The following LIMCH1 variants were observed in gnomAD, a reference collection of about 807,000 sequenced individuals.
LIMCH1 encodes the protein LIM and calponin homology domains 1, also known as LIM and calponin homology domains-containing protein 1.
A neutral mutation model predicts 176.5 loss-of-function variants in LIMCH1; 113 were observed. The observed-to-expected ratio is 0.64, with a 90% CI of 0.55 to 0.75. LIMCH1 has a LOEUF of 0.75. LIMCH1 is among the 30% of genes least tolerant of loss of function. LIMCH1 has a pLI of 0.00. For missense variants in LIMCH1, 1,674 were observed against 1,814.9 expected, an observed-to-expected ratio of 0.92 and a Z score of 1.41; for synonymous variants, 619 against 645.9, an observed-to-expected ratio of 0.96 and a Z score of 0.63.
chr4:41,691,887 T>C lies in LIMCH1; in HGVS notation c.4276-395T>C, dbSNP rs150724236. 1.8e-3 allele frequency among the ~76,000 whole-genome samples: 270 copies of C among 152,316 alleles called. 1 individual carries two copies. Among genetic ancestry groups the C allele is most frequent in the African/African-American group, 6.1e-3 (254 of 41,580 alleles). Reference sequence around the variant, plus strand: ...TGGACACATTTCAATTGATAACTCATTGGCCATGTGTTTATTTAAAGCCAC... The same window carrying C: ...TGGACACATTTCAATTGATAACTCACTGGCCATGTGTTTATTTAAAGCCAC... On this transcript the variant is annotated intron_variant, in intron 30 of 31. Transcript: ENST00000503057.
At chr4:41,533,240 A>ATT (rs2077515579), upstream of LIMCH1, among the ~76,000 whole-genome samples, 1 of 152,216 alleles carries the variant, frequency 6.6e-6, no homozygotes, top group Non-Finnish European at 1.5e-5. Context: ...CTAATCTCTG[A>ATT]AGTGATGTTT....
chr4:41,381,194 T>A (rs1206379930), intron 1 of LIMCH1, among the ~76,000 whole-genome samples: 4 of 152,194 alleles, frequency 2.6e-5, no homozygotes, highest in Non-Finnish European at 4.4e-5. Flanking sequence ...AGTGAGTGAT[T>A]CTCAGTCCCA....
rs58614605 is a variant in LIMCH1 at position 41,454,450 on chromosome 4, G to GGAGAGA, written c.97-40068_97-40063dup. 3.1e-3 allele frequency among the ~76,000 whole-genome samples: 455 copies of GGAGAGA among 148,422 alleles called. 3 individuals carry two copies. Among genetic ancestry groups the GGAGAGA allele is most frequent in the African/African-American group, 0.011 (427 of 40,504 alleles). ...TTTTCAAATGGGTGGATGATGAGGG[G>GGAGAGA]GAGAGAGAGAGAGAGAGAGAGAGGG... On this transcript the variant is annotated intron_variant, in intron 1 of 26. Transcript: ENST00000313860.
chr4:41,434,927 CT>C (rs1322386454), intron 1 of LIMCH1, among the ~76,000 whole-genome samples: 1 of 152,228 alleles, frequency 6.6e-6, no homozygotes, highest in Admixed American at 6.5e-5. Flanking sequence ...ATTTGCCAGA[CT>C]TTTCTACAGT....
intron 2 of LIMCH1, among the ~76,000 whole-genome samples, chr4:41,494,971 CA>C (rs553946481): frequency 7.9e-4 from 120 of 152,242 alleles, no homozygotes; most frequent in African/African-American, 2.9e-3. Context: ...CAGCTTGTGC[CA>C]AAATAAAACA....
intron 1 of LIMCH1, among the ~76,000 whole-genome samples, chr4:41,402,200 T>C (rs1324073042): frequency 1.3e-5 from 2 of 152,108 alleles, no homozygotes; most frequent in Non-Finnish European, 2.9e-5. Flanking sequence ...AGAAGACATT[T>C]ATGCAGCCAA....
intron 1 of LIMCH1, among the ~76,000 whole-genome samples, chr4:41,564,308 G>T (rs2082433577): frequency 6.6e-6 from 1 of 152,172 alleles, no homozygotes; most frequent in African/African-American, 2.4e-5. Context: ...TCTGGCGGCA[G>T]AAGAGAATTC....
At chr4:41,644,369 C>T in intron 14 of LIMCH1, 131 bp from the exon 15 acceptor site, 1 of 1,212,738 alleles carries the variant, frequency 8.2e-7, no homozygotes, top group South Asian at 1.8e-5. Context: ...CAGTCACGCG[C>T]TGTGCGCAGC....
At chr4:41,642,333 G>C (rs1257107536) in intron 14 of LIMCH1, among the ~76,000 whole-genome samples, 1 of 151,672 alleles carries the variant, frequency 6.6e-6, no homozygotes, top group Non-Finnish European at 1.5e-5. Context: ...TTTAAACTGT[G>C]AGAGGAAGAA....
chr4:41,479,141 A>G (rs747920886), intron 1 of LIMCH1, among the ~76,000 whole-genome samples: 5 of 152,086 alleles, frequency 3.3e-5, no homozygotes, highest in Non-Finnish European at 5.9e-5. Context: ...CCACTCTACT[A>G]TTTTTTCGGT....
At chr4:41,452,261 T>A (rs971119817) in intron 1 of LIMCH1, among the ~76,000 whole-genome samples, 6 of 152,236 alleles carry the variant, frequency 3.9e-5, no homozygotes, top group Non-Finnish European at 8.8e-5. Context: ...TGTTTTTAAC[T>A]GTTTCCAGCC....
At position 41,619,288 on chromosome 4, in the gene LIMCH1, A is replaced by G; in HGVS notation, c.306A>G (p.Lys102=). 6.2e-7 allele frequency: 1 copy of G among 1,614,216 alleles called. No homozygotes were observed. The highest frequency in any genetic ancestry group is 8.5e-7 in the Non-Finnish European group (1 of 1,180,028). ...GGCGGACTTCCCATGGTGAGCCGAA[A>G]TCAGCAGTGCCTTTTAACCAGTACC... is the stretch of plus-strand genomic sequence containing the variant. The part of the protein sequence containing the change: ...SARRTSHGEP[K]SAVPFNQYLP... The change falls in exon 6 of 32, where the codon AAA becomes AAG. Residue 102 remains lysine, a synonymous_variant. Transcript: ENST00000503057.
At chr4:41,459,307 C>A (rs2065011226) in intron 1 of LIMCH1, among the ~76,000 whole-genome samples, 1 of 151,826 alleles carries the variant, frequency 6.6e-6, no homozygotes, top group South Asian at 2.1e-4. Context: ...CTGTCCCTTC[C>A]TTCCTTCTTT....
In LIMCH1 at chr4:41,699,179, T is replaced by G. The variant is rs1275914791; in HGVS notation, c.*1994T>G. 6.6e-6 allele frequency: 1 copy of G among 152,158 alleles called. No homozygotes were observed. The highest frequency in any genetic ancestry group is 1.5e-5 in the Non-Finnish European group (1 of 68,030). 9.4% of individuals were successfully genotyped at this position (152,158 alleles called of 1,614,324 possible). The stretch of plus-strand genomic sequence containing the variant: ...TACAATATGGTCATTCATAACCGAT[T>G]TTTATAGAATACTTTTTACATGTGC... On this transcript the variant is annotated 3_prime_UTR_variant, in exon 32 of 32. Coordinates refer to ENST00000503057, the MANE Select transcript of LIMCH1 (RefSeq NM_001330672.2).
chr4:41,634,888 C>T (rs115178828), intron 13 of LIMCH1, among the ~76,000 whole-genome samples: 1,940 of 152,288 alleles, frequency 0.013, 42 homozygotes, highest in African/African-American at 0.044. Context: ...TGAAGTGGGT[C>T]CTCCACAGTT....
intron 2 of LIMCH1, among the ~76,000 whole-genome samples, chr4:41,512,128 A>G (rs561698331): frequency 2.6e-5 from 4 of 152,352 alleles, no homozygotes; most frequent in Admixed American, 1.3e-4. Flanking sequence ...AGCTACAAAA[A>G]TGACTAGTAA....
At chr4:41,374,392 A>G (rs775906356) in intron 1 of LIMCH1, among the ~76,000 whole-genome samples, 1 of 152,116 alleles carries the variant, frequency 6.6e-6, no homozygotes, top group African/African-American at 2.4e-5. Context: ...CCACATTCTA[A>G]TGCATGGGGA....
rs566966513 is a variant in LIMCH1 at position 41,620,820 on chromosome 4, G to A, written c.725+130G>A. 5.3e-5 allele frequency: 55 copies of A among 1,038,402 alleles called. 1 individual carries two copies. In the African/African-American group the frequency reaches 6.1e-4, roughly 12 times the overall value. The allele number at this position is 1,038,402 out of a possible 1,614,324, so 64.3% of individuals were successfully genotyped here. On this transcript the variant is annotated intron_variant, in intron 7 of 31. Transcript: ENST00000503057. ...TTTTCCTATTGCATCACTGTTCCCT[G>A]CTCTGAGCACGTAGATGATAGTCTT...
At chr4:41,510,786 G>A (rs1026080378) in intron 2 of LIMCH1, among the ~76,000 whole-genome samples, 3 of 151,942 alleles carry the variant, frequency 2.0e-5, no homozygotes, top group South Asian at 2.1e-4. Flanking sequence ...ACGGAGTTTC[G>A]CCATGTTGGG....
Sources: gnomAD v4.1 joint callset for allele counts (sites outside exome capture counted in the v4.1 genomes callset) on GRCh38, gnomAD v4.1.1 for gene constraint, MANE v1.5 for transcripts, NCBI Gene and HGNC (gene_info 2026-07-23, HGNC 2026-07-21) for gene names.